The following SEPTIN7 variants were observed in gnomAD, a reference collection of about 807,000 sequenced individuals.
SEPTIN7 encodes the protein septin 7.
In SEPTIN7, 10 loss-of-function variants were observed where a neutral mutation model predicts 63.3. The ratio of observed to expected loss-of-function variants is 0.16; its 90% CI spans 0.10 to 0.27. The LOEUF is 0.27. SEPTIN7 is among the 10% of genes least tolerant of loss of function. The probability of loss-of-function intolerance (pLI) is 1.00; values close to 1 mark genes in which losing one functional copy is unlikely to be tolerated. For synonymous variants in SEPTIN7, 131 were observed against 165.3 expected, an observed-to-expected ratio of 0.79 and a Z score of 1.59; for missense variants, 310 against 521.0, an observed-to-expected ratio of 0.59 and a Z score of 3.94.
intron 13 of SEPTIN7, 98 bp downstream of exon 13, chr7:35,903,313 C>A: frequency 7.0e-7 from 1 of 1,419,146 alleles, no homozygotes; most frequent in Non-Finnish European, 9.3e-7. Context: ...CTTAAAAAGT[C>A]ATCACCCATT....
intron 8 of SEPTIN7, 108 bp downstream of exon 8, chr7:35,882,684 A>G: frequency 1.0e-6 from 1 of 993,726 alleles, no homozygotes; most frequent in South Asian, 4.1e-5. Context: ...GTTGGCTTAC[A>G]AAATACCTAG....
At chr7:35,887,899 C>G (rs939304703) in intron 10 of SEPTIN7, among the ~76,000 whole-genome samples, 2 of 152,022 alleles carry the variant, frequency 1.3e-5, no homozygotes, top group Admixed American at 1.3e-4. Flanking sequence ...AATAAAATAC[C>G]AATACCAATA....
rs1469510145 is a variant in SEPTIN7 at position 35,801,232 on chromosome 7, C to T, written c.23C>T (p.Ala8Val). ...GGGATGTCGGTCAGTGCGAGATCCG[C>T]TGCTGCTGAGGAGAGGAGCGTCAAC... MSVSARS[A>V]AAEERSVNSS... is the part of the protein sequence containing the mutation. Residue 8 changes from alanine to valine, a missense_variant, in exon 1 of 14, where the codon GCT (alanine) becomes GTT (valine). This residue lies in a region of SEPTIN7 where 55 missense variants were observed against 30.5 expected (regional missense o/e 1.80). Transcript: ENST00000350320. 6 of 1,534,352 alleles carry T rather than the reference C, an allele frequency of 3.9e-6. No homozygotes were observed. Among genetic ancestry groups the T allele is most frequent in the Non-Finnish European group, 5.3e-6 (6 of 1,141,422 alleles).
intron 12 of SEPTIN7, chr7:35,901,067 T>TTTA (rs1332180249): frequency 6.6e-6 from 1 of 152,218 alleles, no homozygotes; most frequent in East Asian, 1.9e-4. Flanking sequence ...TTTAGCCTTG[T>TTTA]TTAATACAGT....
At chr7:35,812,956 T>C (rs1369993156) in intron 1 of SEPTIN7, among the ~76,000 whole-genome samples, 1 of 152,184 alleles carries the variant, frequency 6.6e-6, no homozygotes, top group Non-Finnish European at 1.5e-5. Flanking sequence ...AATCAAAAGC[T>C]CCCCATATTC....
At chr7:35,868,646 T>TCCTCTC (rs1562562422) in intron 4 of SEPTIN7, among the ~76,000 whole-genome samples, 1 of 151,960 alleles carries the variant, frequency 6.6e-6, no homozygotes, top group African/African-American at 2.4e-5. Flanking sequence ...GGAGTGAGTA[T>TCCTCTC]AGAGGACTCA....
intron 3 of SEPTIN7, among the ~76,000 whole-genome samples, chr7:35,859,505 A>T (rs982974815): frequency 3.9e-5 from 6 of 152,184 alleles, no homozygotes; most frequent in African/African-American, 1.4e-4. Flanking sequence ...TGTTAGCTTC[A>T]GTTGATTTAC....
rs539676053 is a variant in SEPTIN7, at chr7:35,810,449, G to A, written c.61+9179G>A. On this transcript the variant is annotated intron_variant, in intron 1 of 13. Coordinates refer to ENST00000350320, the MANE Select transcript of SEPTIN7 (RefSeq NM_001788.6). ...CGCCATTCTTCTGCCTCAGCCTCCCGAGTAGCTGGGACTACAGGCGCCCGC... is the reference window on the plus strand; with the variant it reads ...CGCCATTCTTCTGCCTCAGCCTCCCAAGTAGCTGGGACTACAGGCGCCCGC... 1.6e-3 allele frequency among the ~76,000 whole-genome samples: 238 copies of A among 151,246 alleles called. 1 individual carries two copies. The highest frequency in any genetic ancestry group is 3.4e-3 in the Middle Eastern group (1 of 290).
At chr7:35,861,257 A>C (rs1197029367) in intron 3 of SEPTIN7, among the ~76,000 whole-genome samples, 1 of 152,170 alleles carries the variant, frequency 6.6e-6, no homozygotes, top group Non-Finnish European at 1.5e-5. Context: ...GCTGCTTTAA[A>C]GTCTGTCTAA....
At chr7:35,904,157 C>A in intron 13 of SEPTIN7, 97 bp from the exon 14 acceptor site, 3 of 822,874 alleles carry the variant, frequency 3.6e-6, no homozygotes, top group Non-Finnish European at 5.3e-6. Flanking sequence ...TCTGAAAATC[C>A]CAACATTGTT....
In SEPTIN7 at chr7:35,890,673, A is replaced by G; in HGVS notation, c.878A>G (p.His293Arg). 6.4e-7 allele frequency: 1 copy of G among 1,555,084 alleles called. No homozygotes were observed. Among genetic ancestry groups the G allele is most frequent in the Non-Finnish European group, 8.7e-7 (1 of 1,155,618 alleles). The part of the protein sequence containing the change: ...TILRNMLIRT[H>R]MQDLKDVTNN... Reference sequence around the variant, plus strand: ...TTGCTGTTTGTTTATGACAGAACACACATGCAGGACTTGAAAGATGTTACT... The same window carrying G: ...TTGCTGTTTGTTTATGACAGAACACGCATGCAGGACTTGAAAGATGTTACT... Residue 293 changes from histidine to arginine, a missense_variant, in exon 11 of 14, where the codon CAC (histidine) becomes CGC (arginine). His to Arg is a conservative substitution (Grantham distance 29). This residue lies in a region of SEPTIN7 where 255 missense variants were observed against 490.5 expected (regional missense o/e 0.52). Transcript: ENST00000350320.
rs369243241 is a variant in SEPTIN7 at position 35,801,229 on chromosome 7, C to G, written c.20C>G (p.Ser7Cys). Residue 7 changes from serine to cysteine, a missense_variant, in exon 1 of 14, where the codon TCC becomes TGC. Ser to Cys is a moderately radical substitution (Grantham distance 112). Transcript: ENST00000350320. MSVSAR[S>C]AAAEERSVNS... Reference sequence around the variant, plus strand: ...GAGGGGATGTCGGTCAGTGCGAGATCCGCTGCTGCTGAGGAGAGGAGCGTC... The same window carrying G: ...GAGGGGATGTCGGTCAGTGCGAGATGCGCTGCTGCTGAGGAGAGGAGCGTC... The G allele has an allele frequency of 2.9e-5, 45 of 1,533,914 alleles. No individual in the cohort carries two copies. The African/African-American group carries it at 5.5e-4, about 19-fold the overall frequency.
the SEPTIN7 span, among the ~76,000 whole-genome samples, chr7:35,913,469 T>C: frequency 6.6e-6 from 1 of 151,800 alleles, no homozygotes; most frequent in Non-Finnish European, 1.5e-5. Flanking sequence ...TTCATCTTTC[T>C]TTCTTCCCCT....
chr7:35,808,683 G>C (rs1444148694), intron 1 of SEPTIN7, among the ~76,000 whole-genome samples: 1 of 152,150 alleles, frequency 6.6e-6, no homozygotes, highest in African/African-American at 2.4e-5. Context: ...AAAGGGTCAA[G>C]CACCTCCCTT....
chr7:35,913,429 C>CTT, the SEPTIN7 span, among the ~76,000 whole-genome samples: 1 of 151,768 alleles, frequency 6.6e-6, no homozygotes, highest in Non-Finnish European at 1.5e-5. Flanking sequence ...CTTTTTCTCT[C>CTT]TCTTTCTTTC....
intron 1 of SEPTIN7, among the ~76,000 whole-genome samples, chr7:35,807,240 A>G (rs1465782342): frequency 6.6e-6 from 1 of 150,918 alleles, no homozygotes; most frequent in Non-Finnish European, 1.5e-5. Flanking sequence ...GCTGGAGTGC[A>G]ATGGCACAGT....
At position 35,881,499 on chromosome 7, in the gene SEPTIN7, C is replaced by CT. The variant is rs397962604; in HGVS notation, c.631-972dup. 2.9e-3 allele frequency among the ~76,000 whole-genome samples: 406 copies of CT among 139,278 alleles called. 1 individual carries two copies. The highest frequency in any genetic ancestry group is 5.4e-3 in the South Asian group (24 of 4,406). 91.4% of individuals were successfully genotyped at this position (139,278 alleles called of 152,430 possible). ...TGTATTTGTCAATTCCTTGTTTATT[C>CT]TTTTTTTTTTTTTAAATATAGGTAC... is the stretch of plus-strand genomic sequence containing the variant. On this transcript the variant is annotated intron_variant, in intron 7 of 13. Coordinates refer to ENST00000350320, the MANE Select transcript of SEPTIN7 (RefSeq NM_001788.6).
chr7:35,892,033 C>T (rs966974963), intron 11 of SEPTIN7, among the ~76,000 whole-genome samples: 10 of 152,176 alleles, frequency 6.6e-5, no homozygotes, highest in Admixed American at 1.3e-4. Context: ...CAGTAGGAAT[C>T]TATGGGCCAC....
At chr7:35,914,896 G>A in the SEPTIN7 span, among the ~76,000 whole-genome samples, 64 of 151,762 alleles carry the variant, frequency 4.2e-4, no homozygotes, top group East Asian at 9.7e-3. Context: ...GTATGTGCAC[G>A]TAGATATGTG....
Sources: gnomAD v4.1 joint callset for allele counts (sites outside exome capture counted in the v4.1 genomes callset) on GRCh38, gnomAD v4.1.1 for gene constraint, gnomAD v4.1.1 regional missense constraint, MANE v1.5 for transcripts, NCBI Gene and HGNC (gene_info 2026-07-23, HGNC 2026-07-21) for gene names.